The following SEMA5A variants were observed in gnomAD, a reference collection of about 807,000 sequenced individuals.
The protein encoded by SEMA5A is semaphorin 5A, also known as semaphorin-5A.
A neutral mutation model predicts 135.5 loss-of-function variants in SEMA5A; 55 were observed. The observed-to-expected ratio is 0.41, with a 90% confidence interval of 0.33 to 0.51. The LOEUF (loss-of-function observed/expected upper bound fraction) is 0.51. Ranked by LOEUF, SEMA5A falls within the 20% of genes least tolerant of loss-of-function variation. The pLI, the probability that SEMA5A is intolerant of heterozygous loss-of-function variation, is 0.37. For synonymous variants in SEMA5A, 580 were observed against 546.5 expected, an observed-to-expected ratio of 1.06 and a Z score of -0.85; for missense variants, 1,290 against 1,419.9, an observed-to-expected ratio of 0.91 and a Z score of 1.47.
chr5:9,097,096 G>A (rs1739363106), intron 16 of SEMA5A, among the ~76,000 whole-genome samples: 1 of 151,968 alleles, frequency 6.6e-6, no homozygotes, highest in African/African-American at 2.4e-5. Context: ...TAAAAAGAGG[G>A]GGGAAAAAGC....
At chr5:9,536,086 T>A (rs1737749060) in intron 1 of SEMA5A, among the ~76,000 whole-genome samples, 1 of 152,200 alleles carries the variant, frequency 6.6e-6, no homozygotes, top group African/African-American at 2.4e-5. Context: ...TACAGACACC[T>A]GATAATATCA....
At chr5:9,373,901 A>G (rs1246003951) in intron 3 of SEMA5A, among the ~76,000 whole-genome samples, 5 of 152,204 alleles carry the variant, frequency 3.3e-5, no homozygotes, top group African/African-American at 9.7e-5. Context: ...ACTTTAATCA[A>G]TAAACAAACA....
chr5:9,141,538 T>G (rs1742065956), intron 12 of SEMA5A, among the ~76,000 whole-genome samples: 2 of 152,182 alleles, frequency 1.3e-5, no homozygotes, highest in Non-Finnish European at 2.9e-5. Flanking sequence ...GATAAAAATG[T>G]TAGTCAGAAT....
rs562915826 is a variant in SEMA5A at position 9,447,435 on chromosome 5, G to T, written c.-174-9583C>A. Among the ~76,000 whole-genome samples, 413 of 152,330 alleles carry T rather than the reference G, an allele frequency of 2.7e-3. 2 individuals carry two copies. The highest frequency in any genetic ancestry group is 4.3e-3 in the Non-Finnish European group (292 of 68,022). On this transcript the variant is annotated intron_variant, in intron 1 of 22. Coordinates refer to ENST00000382496, the MANE Select transcript of SEMA5A (RefSeq NM_003966.3). ...TTCGCTTCTTTGAACACATGAAAAA[G>T]AAGACTTTTAAATCCTCCTGAATCA...
rs180877379 is a variant in SEMA5A at position 9,125,281 on chromosome 5, G to A, written c.1600-2444C>T. ...CCTGGCTATCTATGTAAGAAACTGT[G>A]GCAAAACGGACGGAATGGAGCTGCA... On this transcript the variant is annotated intron_variant, in intron 13 of 22. Coordinates refer to ENST00000382496, the MANE Select transcript of SEMA5A (RefSeq NM_003966.3). 2.1e-3 allele frequency among the ~76,000 whole-genome samples: 319 copies of A among 152,248 alleles called. 1 individual carries two copies. The highest frequency in any genetic ancestry group is 7.2e-4 in the Non-Finnish European group (49 of 68,012).
intron 5 of SEMA5A, among the ~76,000 whole-genome samples, chr5:9,287,565 A>T (rs1750862510): frequency 6.6e-6 from 1 of 152,216 alleles, no homozygotes; most frequent in Non-Finnish European, 1.5e-5. Flanking sequence ...TATTCTTCTG[A>T]AATAAATTAT....
chr5:9,266,449 C>T (rs1749688606), intron 5 of SEMA5A, among the ~76,000 whole-genome samples: 1 of 152,168 alleles, frequency 6.6e-6, no homozygotes, highest in Admixed American at 6.5e-5. Context: ...CGAGATACTA[C>T]ACATTTTAAA....
At chr5:9,512,411 C>T (rs1489704536) in intron 1 of SEMA5A, among the ~76,000 whole-genome samples, 1 of 152,158 alleles carries the variant, frequency 6.6e-6, no homozygotes, top group Non-Finnish European at 1.5e-5. Flanking sequence ...AATGAAGAAG[C>T]CAGAGCTCAG....
At chr5:9,322,320 T>C (rs959690968) in intron 4 of SEMA5A, among the ~76,000 whole-genome samples, 1 of 151,908 alleles carries the variant, frequency 6.6e-6, no homozygotes, top group Non-Finnish European at 1.5e-5. Flanking sequence ...CTTCCAATCA[T>C]CTCATCAGTA....
At chr5:9,421,079 C>T (rs1281340178) in intron 2 of SEMA5A, among the ~76,000 whole-genome samples, 1 of 152,160 alleles carries the variant, frequency 6.6e-6, no homozygotes, top group Non-Finnish European at 1.5e-5. Context: ...TTTGCAAGCT[C>T]ACTGCCTATT....
chr5:9,086,689 C>G (rs1028380225), intron 16 of SEMA5A, among the ~76,000 whole-genome samples: 3 of 152,140 alleles, frequency 2.0e-5, no homozygotes, highest in African/African-American at 7.2e-5. Context: ...AGGAGCTTCC[C>G]AATCTGCAAG....
rs925321149 is a variant in SEMA5A, at chr5:9,042,771, T to C, written c.*126A>G. 5 of 1,174,672 alleles carry C rather than the reference T, an allele frequency of 4.3e-6. No homozygotes were observed. The highest frequency in any genetic ancestry group is 6.1e-6 in the Non-Finnish European group (5 of 813,626). 72.8% of individuals were successfully genotyped at this position (1,174,672 alleles called of 1,614,324 possible). ...TATTTTTGGCAGCAATGGGACACTC[T>C]GGTGGCTTGAAATGCACTTGAAATG... On this transcript the variant is annotated 3_prime_UTR_variant, in exon 23 of 23. Coordinates refer to ENST00000382496, the MANE Select transcript of SEMA5A (RefSeq NM_003966.3).
chr5:9,499,066 T>C (rs972543839), intron 1 of SEMA5A, among the ~76,000 whole-genome samples: 1 of 152,126 alleles, frequency 6.6e-6, no homozygotes, highest in Non-Finnish European at 1.5e-5. Context: ...CAGCGAAAGG[T>C]CCTCCTCCTA....
chr5:9,321,178 G>A (rs1275132542), intron 4 of SEMA5A, among the ~76,000 whole-genome samples: 1 of 152,110 alleles, frequency 6.6e-6, no homozygotes, highest in Non-Finnish European at 1.5e-5. Context: ...GCCCAAGCTT[G>A]CTTCCCCTTC....
intron 6 of SEMA5A, among the ~76,000 whole-genome samples, chr5:9,228,734 T>C (rs560821319): frequency 6.6e-6 from 1 of 152,298 alleles, no homozygotes; most frequent in East Asian, 1.9e-4. Context: ...AGTGAGTCAA[T>C]TGCACGCCAT....
At position 9,108,708 on chromosome 5, in the gene SEMA5A, T is replaced by C. The variant is rs143486929; in HGVS notation, c.1926-421A>G. On this transcript the variant is annotated intron_variant, in intron 15 of 22. Coordinates refer to ENST00000382496, the MANE Select transcript of SEMA5A (RefSeq NM_003966.3). Reference sequence around the variant, plus strand: ...CATAGCTTTACTTGGAATTCCTTTCTCATTCTTGAATCAAATAAGCCCATA... The same window carrying C: ...CATAGCTTTACTTGGAATTCCTTTCCCATTCTTGAATCAAATAAGCCCATA... Among the ~76,000 whole-genome samples, 610 of 152,314 alleles carry C rather than the reference T, an allele frequency of 4.0e-3. 2 individuals are homozygous for C. The highest frequency in any genetic ancestry group is 6.9e-3 in the Non-Finnish European group (468 of 68,026).
At chr5:9,206,289 A>G (rs1452026660) in intron 8 of SEMA5A, among the ~76,000 whole-genome samples, 1 of 152,202 alleles carries the variant, frequency 6.6e-6, no homozygotes, top group Non-Finnish European at 1.5e-5. Flanking sequence ...TAATGTTTGT[A>G]AAACATACTG....
chr5:9,047,567 T>TAAAG (rs1736337273), intron 21 of SEMA5A, among the ~76,000 whole-genome samples: 1 of 152,068 alleles, frequency 6.6e-6, no homozygotes, highest in African/African-American at 2.4e-5. Context: ...TTTTGATCAG[T>TAAAG]AAAGATGGAA....
chr5:9,501,258 C>T (rs1735580950), intron 1 of SEMA5A, among the ~76,000 whole-genome samples: 1 of 152,124 alleles, frequency 6.6e-6, no homozygotes, highest in Non-Finnish European at 1.5e-5. Context: ...TTTCCTATAA[C>T]ACAGAAAACT....
Sources: gnomAD v4.1 joint callset for allele counts (sites outside exome capture counted in the v4.1 genomes callset) on GRCh38, gnomAD v4.1.1 for gene constraint, MANE v1.5 for transcripts, NCBI Gene and HGNC (gene_info 2026-07-23, HGNC 2026-07-21) for gene names.